The following ZNF827 variants were observed in gnomAD, a reference collection of about 807,000 sequenced individuals.
ZNF827 encodes the protein zinc finger protein 827.
Under a neutral mutation model 102.4 loss-of-function variants are expected in ZNF827, and 13 were observed. The observed-to-expected ratio is 0.13, with a 90% CI of 0.08 to 0.20. The LOEUF (loss-of-function observed/expected upper bound fraction) is 0.20. Among genes scored for constraint, ZNF827 ranks in the 10% least tolerant of loss-of-function variants. The pLI, the probability that ZNF827 is intolerant of heterozygous loss-of-function variation, is 1.00. For synonymous variants in ZNF827, 523 were observed against 536.2 expected, an observed-to-expected ratio of 0.98 and a Z score of 0.34; for missense variants, 1,103 against 1,344.4, an observed-to-expected ratio of 0.82 and a Z score of 2.81.
intron 7 of ZNF827, among the ~76,000 whole-genome samples, chr4:145,830,181 G>C (rs1744072057): frequency 6.6e-6 from 1 of 151,994 alleles, no homozygotes; most frequent in African/African-American, 2.4e-5. Flanking sequence ...GAAACTAAAG[G>C]AAATGAGAAC....
intron 1 of ZNF827, among the ~76,000 whole-genome samples, chr4:145,903,617 G>C (rs560557846): frequency 1.2e-3 from 176 of 152,276 alleles, no homozygotes; most frequent in Non-Finnish European, 2.3e-3. Flanking sequence ...GGCATAGTGG[G>C]ACACAGACCG....
intron 8 of ZNF827, among the ~76,000 whole-genome samples, chr4:145,801,550 A>T (rs1003508344): frequency 6.6e-6 from 1 of 152,180 alleles, no homozygotes; most frequent in African/African-American, 2.4e-5. Context: ...AAAAAGATAC[A>T]TCAGGCCCGT....
At chr4:145,891,698 C>T (rs1750618471) in intron 3 of ZNF827, among the ~76,000 whole-genome samples, 1 of 152,198 alleles carries the variant, frequency 6.6e-6, no homozygotes, top group African/African-American at 2.4e-5. Flanking sequence ...GCCCCCAAGC[C>T]TCCCACAGGG....
In ZNF827 at chr4:145,823,519, G is replaced by C; in HGVS notation, c.2286C>G (p.Phe762Leu). 6.7e-7 allele frequency: 1 copy of C among 1,502,386 alleles called. No homozygotes were observed. The highest frequency in any genetic ancestry group is 9.2e-7 in the Non-Finnish European group (1 of 1,085,978). 93.1% of individuals were successfully genotyped at this position (1,502,386 alleles called of 1,614,324 possible). A position where few individuals can be genotyped will look rare whatever the true frequency, so the allele number is the denominator to read the frequency against. ...ATTGTCTAAATGTGTCTTCTGAAAA[G>C]AAAGGGCTGGGGTGGGGGAGGGGGA... is the stretch of plus-strand genomic sequence containing the variant. The part of the protein sequence containing the change: ...ENTIRTTTSP[F>L]FSEDTFRQSP... The change falls in exon 8 of 15, where the codon TTC becomes TTG. Residue 762 changes from phenylalanine (F) to leucine (L), a missense_variant. Around this residue, in one of 5 missense-constraint regions of ZNF827, gnomAD observed 243 missense variants for 251.6 expected, o/e 0.97. Transcript: ENST00000508784.
intron 1 of ZNF827, among the ~76,000 whole-genome samples, chr4:145,917,769 C>T (rs1288488128): frequency 6.8e-6 from 1 of 146,292 alleles, no homozygotes; most frequent in Non-Finnish European, 1.5e-5. Flanking sequence ...CTGGGAGTGA[C>T]CACTTATATT....
intron 5 of ZNF827, among the ~76,000 whole-genome samples, chr4:145,852,296 C>T (rs1157327096): frequency 2.0e-5 from 3 of 152,188 alleles, no homozygotes; most frequent in Admixed American, 2.0e-4. Flanking sequence ...GCTATTTGCA[C>T]CACTAAATTT....
chr4:145,848,391 G>A (rs929933296), intron 6 of ZNF827, among the ~76,000 whole-genome samples: 6 of 152,158 alleles, frequency 3.9e-5, no homozygotes, highest in African/African-American at 7.2e-5. Flanking sequence ...CTATTATGGC[G>A]ACAGACAGAT....
chr4:145,894,911 C>T (rs1305979751), intron 2 of ZNF827, among the ~76,000 whole-genome samples: 1 of 152,106 alleles, frequency 6.6e-6, no homozygotes, highest in Admixed American at 6.5e-5. Flanking sequence ...ATGAAGACTA[C>T]AAGATGAACA....
At chr4:145,798,073 T>C (rs148509645) in intron 8 of ZNF827, among the ~76,000 whole-genome samples, 1 of 152,208 alleles carries the variant, frequency 6.6e-6, no homozygotes, top group Non-Finnish European at 1.5e-5. Flanking sequence ...TTTGAGAAAC[T>C]TTTTGAGAAG....
intron 2 of ZNF827, among the ~76,000 whole-genome samples, chr4:145,899,222 T>C (rs528575175): frequency 1.3e-5 from 2 of 151,746 alleles, no homozygotes; most frequent in Non-Finnish European, 2.9e-5. Flanking sequence ...CACATTTCCA[T>C]AATGCTTCTT....
intron 5 of ZNF827, among the ~76,000 whole-genome samples, chr4:145,868,333 C>T (rs7669911): frequency 0.18 from 27,184 of 151,608 alleles, 3,038 homozygotes; most frequent in East Asian, 0.43. Flanking sequence ...AAGTCTTTTG[C>T]ACACAGAATG....
chr4:145,896,974 TAAAC>T (rs551495265), intron 2 of ZNF827, among the ~76,000 whole-genome samples: 137 of 152,340 alleles, frequency 9.0e-4, no homozygotes, highest in African/African-American at 2.9e-3. Context: ...TTTGAGTTAA[TAAAC>T]AGAGTTTTAA....
Position 145,838,882 on chromosome 4 carries a change from C to G in ZNF827, c.2279+7074G>C, listed in dbSNP as rs558103984. Among the ~76,000 whole-genome samples, 5 of 152,188 alleles carry G rather than the reference C, an allele frequency of 3.3e-5. No individual in the cohort carries two copies. The South Asian group carries it at 1.0e-3, about 32-fold the overall frequency. Reference sequence around the variant, plus strand: ...AGTTAAAAACAACCATTAAATTTTACTGTTTAGTATCTTTTACTTTTGAAA... The same window carrying G: ...AGTTAAAAACAACCATTAAATTTTAGTGTTTAGTATCTTTTACTTTTGAAA... On this transcript the variant is annotated intron_variant, in intron 7 of 14. Transcript: ENST00000508784.
chr4:145,932,415 C>G (rs1274762578), intron 1 of ZNF827, among the ~76,000 whole-genome samples: 1 of 152,014 alleles, frequency 6.6e-6, no homozygotes, highest in Non-Finnish European at 1.5e-5. Context: ...AGCCAGGCAC[C>G]ATACATTTCC....
At chr4:145,883,517 T>G (rs1160176332) in intron 4 of ZNF827, among the ~76,000 whole-genome samples, 2 of 152,148 alleles carry the variant, frequency 1.3e-5, no homozygotes, top group Admixed American at 6.6e-5. Flanking sequence ...CTAAGCAGCC[T>G]TATCTTATGC....
At chr4:145,789,159 A>G (rs1739311446) in intron 8 of ZNF827, among the ~76,000 whole-genome samples, 1 of 152,178 alleles carries the variant, frequency 6.6e-6, no homozygotes, top group Admixed American at 6.5e-5. Context: ...AGGGTGGAGG[A>G]GCAGAAAATT....
At position 145,761,710 on chromosome 4, in the gene ZNF827, G is replaced by A. The variant is rs1579063512; in HGVS notation, c.*18-112C>T. The A allele has an allele frequency of 1.5e-6, 1 of 652,452 alleles. No individual in the cohort carries two copies. The highest frequency in any genetic ancestry group is 6.8e-5 in the East Asian group (1 of 14,658). The allele number at this position is 652,452 out of a possible 1,614,324, so 40.4% of individuals were successfully genotyped here. A position where few individuals can be genotyped will look rare whatever the true frequency, so the allele number is the denominator to read the frequency against. On this transcript the variant is annotated intron_variant, in intron 14 of 14. Coordinates refer to ENST00000508784, the MANE Select transcript of ZNF827 (RefSeq NM_001306215.2). This position sits in a 1 kb window ranked among gnomAD's most constrained non-coding sequence, Gnocchi z 6.8. ...CACCACCCCCCAGTGTCTGAGGCCT[G>A]GCCTGCCCAGCCCAGCCCAGCCCTG... is the stretch of plus-strand genomic sequence containing the variant.
At chr4:145,769,148 C>T (rs553073619) in intron 11 of ZNF827, among the ~76,000 whole-genome samples, 1 of 151,952 alleles carries the variant, frequency 6.6e-6, no homozygotes, top group African/African-American at 2.4e-5. Context: ...ACTCTTACTT[C>T]AGTTCACAAT....
At chr4:145,937,240 G>C (rs1382104204) in intron 1 of ZNF827, among the ~76,000 whole-genome samples, 2 of 152,006 alleles carry the variant, frequency 1.3e-5, no homozygotes, top group Non-Finnish European at 2.9e-5. Flanking sequence ...GGGTGGAGGA[G>C]GGGAAGGGGA....
Sources: allele counts gnomAD v4.1 joint callset (sites outside exome capture counted in the v4.1 genomes callset), GRCh38; gene constraint gnomAD v4.1.1; regional missense constraint gnomAD v4.1.1; non-coding constraint Gnocchi (gnomAD v3.1); transcripts MANE v1.5; gene names NCBI Gene and HGNC (gene_info 2026-07-23, HGNC 2026-07-21).